Variants in CNOT6L observed in about 807,000 individuals in gnomAD.
The protein encoded by CNOT6L is CCR4-NOT transcription complex subunit 6 like.
In CNOT6L, 7 loss-of-function variants were observed where a neutral mutation model predicts 64.0. The observed-to-expected ratio is 0.11, with a 90% CI of 0.06 to 0.21. CNOT6L has a LOEUF of 0.21. CNOT6L is among the 10% of genes least tolerant of loss of function. CNOT6L has a pLI of 1.00. For synonymous variants in CNOT6L, 193 were observed against 243.4 expected (o/e 0.79, Z 1.93); for missense variants, 245 against 669.0 (o/e 0.37, Z 6.99).
At chr4:77,785,865 G>C (rs1488634431) in intron 1 of CNOT6L, among the ~76,000 whole-genome samples, 1 of 152,178 alleles carries the variant, frequency 6.6e-6, no homozygotes, top group African/African-American at 2.4e-5. Context: ...TCCATGAAGA[G>C]GTGACACTAA....
intron 1 of CNOT6L, among the ~76,000 whole-genome samples, chr4:77,778,719 G>A (rs553502703): frequency 2.6e-5 from 4 of 151,238 alleles, no homozygotes; most frequent in South Asian, 2.2e-4. Flanking sequence ...CGTGAGCCAC[G>A]GCACCCAGCC....
intron 5 of CNOT6L, among the ~76,000 whole-genome samples, chr4:77,755,212 T>C (rs1009139015): frequency 2.1e-5 from 3 of 143,674 alleles, no homozygotes; most frequent in Non-Finnish European, 4.5e-5. Flanking sequence ...GCTACATCTA[T>C]AGAGACAAGA....
At chr4:77,792,802 C>T (rs1194349407) in intron 1 of CNOT6L, among the ~76,000 whole-genome samples, 1 of 149,680 alleles carries the variant, frequency 6.7e-6, no homozygotes, top group African/African-American at 2.5e-5. Context: ...GAAATACTAA[C>T]ATAACAAATC....
chr4:77,773,228 G>T, intron 3 of CNOT6L, 62 bp from the exon 4 acceptor site: 3 of 1,066,480 alleles, frequency 2.8e-6, no homozygotes, highest in Non-Finnish European at 4.0e-6. Context: ...ATCTGTATTT[G>T]CCATTCTTAA....
At chr4:77,736,386 A>G (rs1205711896) in intron 8 of CNOT6L, among the ~76,000 whole-genome samples, 1 of 152,192 alleles carries the variant, frequency 6.6e-6, no homozygotes, top group Non-Finnish European at 1.5e-5. Flanking sequence ...GATGGCTGTA[A>G]TCTACAATTT....
intron 1 of CNOT6L, among the ~76,000 whole-genome samples, chr4:77,793,830 T>A (rs1306302028): frequency 6.6e-6 from 1 of 152,088 alleles, no homozygotes; most frequent in African/African-American, 2.4e-5. Context: ...CCATGAAACT[T>A]AAAAATTGTA....
intron 1 of CNOT6L, among the ~76,000 whole-genome samples, chr4:77,811,517 A>AGACTGGGCGATAG (rs1394860647): frequency 6.6e-6 from 1 of 152,222 alleles, no homozygotes; most frequent in Non-Finnish European, 1.5e-5. Flanking sequence ...ACTGCACTCC[A>AGACTGGGCGATAG]GACTGGGCGA....
At chr4:77,744,655 G>C (rs1723999629) in intron 7 of CNOT6L, 63 bp downstream of exon 7, 1 of 1,421,062 alleles carries the variant, frequency 7.0e-7, no homozygotes, top group Non-Finnish European at 9.4e-7. Flanking sequence ...CCAGTGGTCA[G>C]ATCTTCTCTT....
intron 10 of CNOT6L, among the ~76,000 whole-genome samples, chr4:77,728,438 A>G (rs537845160): frequency 6.6e-6 from 1 of 152,266 alleles, no homozygotes; most frequent in South Asian, 2.1e-4. Flanking sequence ...GTGAGGTAAG[A>G]ATATATATTT....
In CNOT6L at chr4:77,774,712, T is replaced by C; in HGVS notation, c.132A>G (p.Arg44=). The C allele has an allele frequency of 1.9e-6, 3 of 1,572,498 alleles. No homozygotes were observed. Among genetic ancestry groups the C allele is most frequent in the Non-Finnish European group, 2.6e-6 (3 of 1,162,350 alleles). ...AAAGTGATGTACTTAGGCTCCGCACTCTACCTAAAAGGCAAAATACTGAAG... is the reference window on the plus strand; with the variant it reads ...AAAGTGATGTACTTAGGCTCCGCACCCTACCTAAAAGGCAAAATACTGAAG... ...SHWAELEISG[R]VRSLSTSLWS... is the part of the protein sequence containing the mutation. Residue 44 remains arginine, a synonymous_variant, in exon 3 of 12, where the codon AGA becomes AGG. Transcript: ENST00000504123.
chr4:77,731,273 T>C, intron 9 of CNOT6L, 114 bp downstream of exon 9: 1 of 948,596 alleles, frequency 1.1e-6, no homozygotes, highest in South Asian at 1.6e-5. Flanking sequence ...TTAACTTTCC[T>C]CAAAAGAAAA....
chr4:77,756,866 G>A lies in CNOT6L; in HGVS notation c.486C>T (p.Leu162=), dbSNP rs753668373. 16 of 1,595,300 alleles carry A rather than the reference G, an allele frequency of 1.0e-5. No homozygotes were observed. In the East Asian group the frequency reaches 2.7e-4, roughly 27 times the overall value. The stretch of plus-strand genomic sequence containing the variant: ...AGCTTTGTCACTAACAGTTACCTGC[G>A]AGATTGTCAAGCATGAAGTTCAGTA... ...RKLLNFMLDN[L]AVHPEQLPPR... Residue 162 remains leucine, a synonymous_variant, in exon 5 of 12, where the codon CTC becomes CTT. Transcript: ENST00000504123.
At chr4:77,757,687 C>T (rs1014141027) in intron 4 of CNOT6L, among the ~76,000 whole-genome samples, 1 of 152,140 alleles carries the variant, frequency 6.6e-6, no homozygotes, top group Admixed American at 6.5e-5. Context: ...TTCAATGCAA[C>T]ACATACCCAC....
chr4:77,815,995 AATAC>A (rs1212694632), intron 1 of CNOT6L, among the ~76,000 whole-genome samples: 11 of 152,266 alleles, frequency 7.2e-5, no homozygotes, highest in Non-Finnish European at 1.3e-4. Context: ...TACCCAAAGT[AATAC>A]ATACAGAAAT....
intron 1 of CNOT6L, among the ~76,000 whole-genome samples, chr4:77,801,710 A>C (rs1731601211): frequency 7.1e-6 from 1 of 141,732 alleles, no homozygotes. Flanking sequence ...GGAGAATGAA[A>C]CATTTTATAA....
In CNOT6L at chr4:77,718,663, A is replaced by G. The variant is rs1160268358; in HGVS notation, c.*1768T>C. On this transcript the variant is annotated 3_prime_UTR_variant, in exon 12 of 12. Coordinates refer to ENST00000504123, the MANE Select transcript of CNOT6L (RefSeq NM_144571.3). The stretch of plus-strand genomic sequence containing the variant: ...CTTCTGATGCAATCCCATGTATGAT[A>G]TGACATCATCCCACCACCCTCGTCC... The G allele has an allele frequency of 1.3e-5, 2 of 152,594 alleles. No homozygotes were observed. The highest frequency in any genetic ancestry group is 2.9e-5 in the Non-Finnish European group (2 of 68,018). 9.5% of individuals were successfully genotyped at this position (152,594 alleles called of 1,614,324 possible). A position where few individuals can be genotyped will look rare whatever the true frequency, so the allele number is the denominator to read the frequency against.
chr4:77,764,810 T>C (rs1726641428), intron 4 of CNOT6L, among the ~76,000 whole-genome samples: 1 of 152,200 alleles, frequency 6.6e-6, no homozygotes, highest in Non-Finnish European at 1.5e-5. Flanking sequence ...AGGAATATCA[T>C]CGCCCCTGTT....
chr4:77,811,363 C>T (rs1343597409), intron 1 of CNOT6L, among the ~76,000 whole-genome samples: 1 of 152,080 alleles, frequency 6.6e-6, no homozygotes, highest in African/African-American at 2.4e-5. Context: ...GCCTGGCCAA[C>T]ATAGTGATCT....
intron 1 of CNOT6L, among the ~76,000 whole-genome samples, chr4:77,782,603 T>G (rs976311303): frequency 6.6e-6 from 1 of 150,586 alleles, no homozygotes; most frequent in African/African-American, 2.4e-5. Context: ...GGCCTCCCAG[T>G]GCTACTAGGA....
Sources: allele counts gnomAD v4.1 joint callset (sites outside exome capture counted in the v4.1 genomes callset), GRCh38; gene constraint gnomAD v4.1.1; transcripts MANE v1.5; gene names NCBI Gene and HGNC (gene_info 2026-07-23, HGNC 2026-07-21).